Variants in COBLL1 observed in about 807,000 individuals in gnomAD.
COBLL1 encodes the protein cordon-bleu protein-like 1.
In COBLL1, 50 loss-of-function variants were observed where a neutral mutation model predicts 94.8. The observed-to-expected ratio is 0.53, with a 90% CI of 0.42 to 0.67. COBLL1 has a LOEUF of 0.67. COBLL1 is among the 30% of genes least tolerant of loss of function. COBLL1 has a pLI of 0.00. For missense variants in COBLL1, 1,362 were observed against 1,348.7 expected (o/e 1.01, Z -0.15); for synonymous variants, 448 against 473.8 (o/e 0.95, Z 0.71).
intron 2 of COBLL1, among the ~76,000 whole-genome samples, chr2:164,814,958 A>G (rs990559965): frequency 7.9e-5 from 12 of 152,138 alleles, no homozygotes; most frequent in Non-Finnish European, 1.8e-4. Flanking sequence ...TCTCTTATCC[A>G]TTATTCAATT....
chr2:164,831,523 A>C (rs1683075271), intron 2 of COBLL1, among the ~76,000 whole-genome samples: 1 of 151,692 alleles, frequency 6.6e-6, no homozygotes, highest in African/African-American at 2.4e-5. Flanking sequence ...GCTCTCCTGA[A>C]GCACAGAAAA....
At chr2:164,800,624 C>A (rs1683721447) in intron 2 of COBLL1, 1 of 693,576 alleles carries the variant, frequency 1.4e-6, no homozygotes, top group Middle Eastern at 2.3e-4. Flanking sequence ...ATGTTCTATT[C>A]ATAATGAACC....
intron 11 of COBLL1, chr2:164,696,856 C>T (rs1269146901): frequency 6.6e-6 from 1 of 152,178 alleles, no homozygotes; most frequent in African/African-American, 2.4e-5. Flanking sequence ...CATCACTGTG[C>T]TTATCTTCAA....
intron 2 of COBLL1, among the ~76,000 whole-genome samples, chr2:164,807,432 C>T (rs1232464426): frequency 4.0e-5 from 6 of 149,800 alleles, no homozygotes; most frequent in South Asian, 2.1e-4. Context: ...AGTCAGACTT[C>T]GTCTCAATTA....
At chr2:164,754,918 A>T (rs1687317162) in intron 2 of COBLL1, among the ~76,000 whole-genome samples, 1 of 152,118 alleles carries the variant, frequency 6.6e-6, no homozygotes, top group Admixed American at 6.5e-5. Flanking sequence ...CCACACCTGT[A>T]ATCTCAGCAT....
At chr2:164,732,526 T>C (rs1297764619) in intron 3 of COBLL1, among the ~76,000 whole-genome samples, 1 of 152,234 alleles carries the variant, frequency 6.6e-6, no homozygotes, top group Non-Finnish European at 1.5e-5. Flanking sequence ...TGTCTAGTTA[T>C]ATACTATTAT....
intron 2 of COBLL1, among the ~76,000 whole-genome samples, chr2:164,777,458 A>G (rs1217630459): frequency 6.6e-6 from 1 of 152,062 alleles, no homozygotes; most frequent in Non-Finnish European, 1.5e-5. Context: ...GCCTGCCCTA[A>G]GCGTCTCCTG....
At chr2:164,801,426 G>A (rs1378230690) in intron 2 of COBLL1, among the ~76,000 whole-genome samples, 1 of 105,372 alleles carries the variant, frequency 9.5e-6, no homozygotes, top group Non-Finnish European at 1.7e-5. Context: ...GCGACAGAGC[G>A]AGACTCCGTC....
At chr2:164,761,234 C>A (rs1015399568) in intron 2 of COBLL1, 1 of 151,516 alleles carries the variant, frequency 6.6e-6, no homozygotes, top group Admixed American at 6.6e-5. Context: ...CATGGAGAAA[C>A]CCTGTCTCTA....
At chr2:164,742,868 AGAGC>A (rs1044873703) in intron 3 of COBLL1, among the ~76,000 whole-genome samples, 2 of 152,044 alleles carry the variant, frequency 1.3e-5, no homozygotes, top group Non-Finnish European at 2.9e-5. Context: ...AGAGAGAGAG[AGAGC>A]GAGCGAGCGA....
chr2:164,704,960 C>G lies in COBLL1; in HGVS notation c.1142G>C (p.Arg381Pro). 4 of 1,580,058 alleles carry G rather than the reference C, an allele frequency of 2.5e-6. No individual in the cohort carries two copies. The highest frequency in any genetic ancestry group is 2.6e-6 in the Non-Finnish European group (3 of 1,166,762). ...TGAAACAACCACATTACCAGTCACA[C>G]GACTATTTTCATCACTTTGATGCGG... ...IPPHQSDENS[R>P]VTALQPVDGV... Residue 381 changes from arginine (R) to proline (P), a missense_variant, in exon 8 of 14, where the codon CGT becomes CCT. Physicochemically the swap from Arg to Pro is moderately radical, Grantham distance 103 (BLOSUM62 -2). Transcript: ENST00000652658.
At position 164,723,705 on chromosome 2, in the gene COBLL1, G is replaced by C. The variant is rs185877492; in HGVS notation, c.662-1183C>G. 3 of 150,530 alleles carry C rather than the reference G, an allele frequency of 2.0e-5. No individual in the cohort carries two copies. The East Asian group carries it at 5.8e-4, about 29-fold the overall frequency. The allele number at this position is 150,530 out of a possible 1,614,324, so 9.3% of individuals were successfully genotyped here. ...AACTCTTTTTTCACCTTTGTGTTAT[G>C]CTAGAGAACCAGTCCATTATTTTAA... On this transcript the variant is annotated intron_variant, in intron 5 of 13. Coordinates refer to ENST00000652658, the MANE Select transcript of COBLL1 (RefSeq NM_001365672.2).
chr2:164,737,759 T>A (rs945264068), intron 3 of COBLL1, among the ~76,000 whole-genome samples: 3 of 152,188 alleles, frequency 2.0e-5, no homozygotes, highest in African/African-American at 7.2e-5. Flanking sequence ...CCCTTTATCT[T>A]GTCATTTTTC....
intron 1 of COBLL1, among the ~76,000 whole-genome samples, chr2:164,667,499 C>G (rs557353059): frequency 1.3e-5 from 2 of 152,164 alleles, no homozygotes; most frequent in Non-Finnish European, 2.9e-5. Context: ...GCTGTTTTGT[C>G]TATGTTAAAA....
intron 2 of COBLL1, chr2:164,772,037 C>T (rs1409016747): frequency 6.6e-6 from 1 of 151,884 alleles, no homozygotes; most frequent in Non-Finnish European, 1.5e-5. Flanking sequence ...GGTACCTTCT[C>T]CTCTTCCTTA....
At position 164,704,452 on chromosome 2, in the gene COBLL1, G is replaced by A. The variant is rs979987354; in HGVS notation, c.1217C>T (p.Ser406Phe). The change falls in exon 9 of 14, where the codon TCC becomes TTC. Residue 406 changes from serine to phenylalanine, a missense_variant. Transcript: ENST00000652658. ...GAATAAGGGTGTCATACCTGGGCTG[G>A]ATAGCTCCTCAGGAGAGTTTGCTTC... is the stretch of plus-strand genomic sequence containing the variant. ...ASEANSPEEL[S>F]SPAGISSDYS... 1 of 1,609,166 alleles carries A rather than the reference G, an allele frequency of 6.2e-7. No homozygotes were observed. Among genetic ancestry groups the A allele is most frequent in the Admixed American group, 1.7e-5 (1 of 60,006 alleles).
intron 1 of COBLL1, among the ~76,000 whole-genome samples, chr2:164,668,122 C>T (rs1230090125): frequency 6.6e-6 from 1 of 152,120 alleles, no homozygotes; most frequent in Non-Finnish European, 1.5e-5. Context: ...CACCACCACT[C>T]CCTGCTAACT....
intron 2 of COBLL1, among the ~76,000 whole-genome samples, chr2:164,837,795 A>C (rs1419301941): frequency 6.6e-6 from 1 of 152,214 alleles, no homozygotes; most frequent in African/African-American, 2.4e-5. Flanking sequence ...GTCTTTTGAT[A>C]TCTAAACTCT....
chr2:164,673,344 C>T (rs2105388617), intron 1 of COBLL1, among the ~76,000 whole-genome samples: 1 of 152,184 alleles, frequency 6.6e-6, no homozygotes, highest in South Asian at 2.1e-4. Context: ...ATTGCGGGTA[C>T]TTGGTGAATG....
Sources: allele counts gnomAD v4.1 joint callset (sites outside exome capture counted in the v4.1 genomes callset), GRCh38; gene constraint gnomAD v4.1.1; transcripts MANE v1.5; gene names NCBI Gene and HGNC (gene_info 2026-07-23, HGNC 2026-07-21).